Variants in IL31RA observed in about 807,000 individuals in gnomAD.
The protein encoded by IL31RA is interleukin-31 receptor subunit alpha.
A neutral mutation model predicts 83.7 loss-of-function variants in IL31RA; 66 were observed. The ratio of observed to expected loss-of-function variants is 0.79; its 90% CI spans 0.65 to 0.97. The LOEUF is 0.97. Among genes scored for constraint, IL31RA ranks in the 50% least tolerant of loss-of-function variants. The pLI is 0.00. For synonymous variants in IL31RA, 325 were observed against 329.0 expected (o/e 0.99, Z 0.13); for missense variants, 798 against 919.4 (o/e 0.87, Z 1.71).
At chr5:55,865,379 G>A (rs979358034) in intron 2 of IL31RA, among the ~76,000 whole-genome samples, 1 of 152,130 alleles carries the variant, frequency 6.6e-6, no homozygotes, top group African/African-American at 2.4e-5. Flanking sequence ...TCTGGAGAGA[G>A]CGAGAAAAGT....
At chr5:55,875,062 G>A (rs1204553899) in intron 4 of IL31RA, among the ~76,000 whole-genome samples, 1 of 152,068 alleles carries the variant, frequency 6.6e-6, no homozygotes, top group African/African-American at 2.4e-5. Flanking sequence ...ATAGTTTGTT[G>A]AGCATTTCCT....
intron 1 of IL31RA, among the ~76,000 whole-genome samples, chr5:55,856,469 A>G (rs1348631039): frequency 6.6e-6 from 1 of 152,262 alleles, no homozygotes; most frequent in African/African-American, 2.4e-5. Context: ...CCTCAAGAGC[A>G]CAGCAGAATC....
rs767520505 is a variant in IL31RA at position 55,916,689 on chromosome 5, G to C, written c.1864G>C (p.Asp622His). ...GTCTGATGACTCTGTGAACACAGAA[G>C]ACAGGATCTTAAAACCATGTTCCAC... is the stretch of plus-strand genomic sequence containing the variant. ...KESDDSVNTE[D>H]RILKPCSTPS... The change falls in exon 15 of 15, where the codon GAC becomes CAC. Residue 622 changes from aspartate to histidine, a missense_variant. By Grantham distance (81) the Asp-to-His change is moderately conservative. Coordinates refer to ENST00000652347, the MANE Select transcript of IL31RA (RefSeq NM_139017.7). 6.2e-7 allele frequency: 1 copy of C among 1,614,210 alleles called. No homozygotes were observed. The highest frequency in any genetic ancestry group is 8.5e-7 in the Non-Finnish European group (1 of 1,180,038).
chr5:55,840,961 G>T, the IL31RA span, among the ~76,000 whole-genome samples: 1 of 152,154 alleles, frequency 6.6e-6, no homozygotes, highest in Non-Finnish European at 1.5e-5. Context: ...GCACATAGTA[G>T]ATCCTATGTT....
chr5:55,842,293 A>C, the IL31RA span, among the ~76,000 whole-genome samples: 1 of 152,232 alleles, frequency 6.6e-6, no homozygotes, highest in South Asian at 2.1e-4. Context: ...TCTTTACCTT[A>C]ATTATATCAG....
chr5:55,895,845 A>G (rs1748300440), intron 6 of IL31RA, among the ~76,000 whole-genome samples: 1 of 152,208 alleles, frequency 6.6e-6, no homozygotes, highest in African/African-American at 2.4e-5. Flanking sequence ...TTTAGAGCTC[A>G]AGGAGGGACC....
chr5:55,907,543 T>C, intron 10 of IL31RA, 83 bp downstream of exon 10: 1 of 896,712 alleles, frequency 1.1e-6, no homozygotes, highest in Non-Finnish European at 1.9e-6. Flanking sequence ...TGCCTGTAGC[T>C]CATTCCCAGC....
chr5:55,909,726 C>T (rs1176057908), intron 11 of IL31RA, among the ~76,000 whole-genome samples: 3 of 136,760 alleles, frequency 2.2e-5, no homozygotes, highest in African/African-American at 5.5e-5. Flanking sequence ...TTTTTTGAGA[C>T]GGAGTTTTGC....
intron 12 of IL31RA, among the ~76,000 whole-genome samples, chr5:55,912,017 A>AT (rs1339822995): frequency 1.3e-5 from 2 of 152,150 alleles, no homozygotes; most frequent in Non-Finnish European, 2.9e-5. Context: ...TGCTGTTTAA[A>AT]TTTTTTTAAA....
intron 7 of IL31RA, among the ~76,000 whole-genome samples, chr5:55,898,398 G>T (rs1387663892): frequency 7.5e-6 from 1 of 133,136 alleles, no homozygotes; most frequent in African/African-American, 2.9e-5. Flanking sequence ...GTACTAAAAT[G>T]CTCTAAAATT....
chr5:55,917,304 A>C lies in IL31RA; in HGVS notation c.*184A>C. The C allele has an allele frequency of 6.7e-7, 1 of 1,489,462 alleles. No individual in the cohort carries two copies. 92.3% of individuals were successfully genotyped at this position (1,489,462 alleles called of 1,614,324 possible). A position where few individuals can be genotyped will look rare whatever the true frequency, so the allele number is the denominator to read the frequency against. On this transcript the variant is annotated 3_prime_UTR_variant, in exon 15 of 15. Coordinates refer to ENST00000652347, the MANE Select transcript of IL31RA (RefSeq NM_139017.7). The stretch of plus-strand genomic sequence containing the variant: ...AAGATGCGACCTTGTACTGGGAAGA[A>C]GGGATGGTGATAAGCCCGAGTTTTG...
chr5:55,877,930 CTCTCT>C (rs1157326229), intron 4 of IL31RA, among the ~76,000 whole-genome samples: 1 of 152,192 alleles, frequency 6.6e-6, no homozygotes, highest in African/African-American at 2.4e-5. Flanking sequence ...CACTTCCTCT[CTCTCT>C]TCTCTTTCAG....
At chr5:55,839,894 A>C in the IL31RA span, 1 of 713,536 alleles carries the variant, frequency 1.4e-6, no homozygotes, top group East Asian at 2.5e-5. Context: ...GTTGTAGATG[A>C]AACGAATACC....
At chr5:55,849,424 G>A (rs1478006188), upstream of IL31RA, among the ~76,000 whole-genome samples, 1 of 151,788 alleles carries the variant, frequency 6.6e-6, no homozygotes, top group East Asian at 1.9e-4. Flanking sequence ...TATAACTTTT[G>A]TTAAATCCAT....
At chr5:55,908,498 T>C (rs770022837) in intron 11 of IL31RA, 87 bp downstream of exon 11, 1 of 1,612,860 alleles carries the variant, frequency 6.2e-7, no homozygotes, top group South Asian at 1.1e-5. Flanking sequence ...GGCTCCCCCA[T>C]CTCATTGTGA....
chr5:55,843,154 C>T, the IL31RA span, among the ~76,000 whole-genome samples: 1 of 152,188 alleles, frequency 6.6e-6, no homozygotes, highest in African/African-American at 2.4e-5. Context: ...TTCCAAATTA[C>T]ATTATCAGTA....
chr5:55,903,029 A>G lies in IL31RA; in HGVS notation c.1069+2897A>G, dbSNP rs912006863. On this transcript the variant is annotated intron_variant, in intron 8 of 14. Coordinates refer to ENST00000652347, the MANE Select transcript of IL31RA (RefSeq NM_139017.7). This position sits in a 1 kb window ranked among gnomAD's most constrained non-coding sequence, Gnocchi z 4.7. ...AAAGTGACTTGAATTCCGGTCACAGATGCTGTGTGACACTGAACTGGTTAT... is the reference window on the plus strand; with the variant it reads ...AAAGTGACTTGAATTCCGGTCACAGGTGCTGTGTGACACTGAACTGGTTAT... Among the ~76,000 whole-genome samples the G allele has an allele frequency of 6.6e-6, 1 of 152,328 alleles. No individual in the cohort carries two copies. Among genetic ancestry groups the G allele is most frequent in the East Asian group, 1.9e-4 (1 of 5,182 alleles).
At chr5:55,869,935 A>G (rs1746414882) in intron 3 of IL31RA, among the ~76,000 whole-genome samples, 1 of 152,222 alleles carries the variant, frequency 6.6e-6, no homozygotes, top group African/African-American at 2.4e-5. Context: ...CTCACATTGC[A>G]AGGGAAGTCC....
Position 55,872,054 on chromosome 5 carries a change from C to T in IL31RA, c.273-216C>T, listed in dbSNP as rs540694263. Among the ~76,000 whole-genome samples the T allele has an allele frequency of 2.6e-5, 4 of 152,178 alleles. No homozygotes were observed. The South Asian group carries it at 6.2e-4, about 24-fold the overall frequency. ...CAGGGATCCAAAGAGGTTTTCATGG[C>T]TCCTAAAGCATCTCAGGCAGCAGAA... is the stretch of plus-strand genomic sequence containing the variant. On this transcript the variant is annotated intron_variant, in intron 3 of 14. Coordinates refer to ENST00000652347, the MANE Select transcript of IL31RA (RefSeq NM_139017.7).
Sources: gnomAD v4.1 joint callset for allele counts (sites outside exome capture counted in the v4.1 genomes callset) on GRCh38, gnomAD v4.1.1 for gene constraint, Gnocchi (gnomAD v3.1) non-coding constraint, MANE v1.5 for transcripts, NCBI Gene and HGNC (gene_info 2026-07-23, HGNC 2026-07-21) for gene names.